Variants in CCDC178 observed in about 807,000 individuals in gnomAD.
The protein encoded by CCDC178 is coiled-coil domain-containing protein 178.
In CCDC178, 126 loss-of-function variants were observed where a neutral mutation model predicts 117.4. That is an observed-to-expected ratio of 1.07 (90% CI 0.93 to 1.24). The LOEUF is 1.24. Ranked by LOEUF, CCDC178 falls within the 50% of genes most tolerant of loss-of-function variation. The pLI, the probability that CCDC178 is intolerant of heterozygous loss-of-function variation, is 0.00. For missense variants in CCDC178, 1,030 were observed against 986.9 expected (o/e 1.04, Z -0.59); for synonymous variants, 283 against 313.4 (o/e 0.90, Z 1.02).
chr18:33,319,262 A>T (rs565024706), intron 11 of CCDC178, among the ~76,000 whole-genome samples: 1 of 151,732 alleles, frequency 6.6e-6, no homozygotes, highest in African/African-American at 2.4e-5. Flanking sequence ...TCGGTGTTCA[A>T]TTCCCACCGA....
intron 22 of CCDC178, among the ~76,000 whole-genome samples, chr18:32,946,596 T>A (rs1378964768): frequency 1.3e-5 from 2 of 152,110 alleles, no homozygotes; most frequent in African/African-American, 4.8e-5. Flanking sequence ...ATCATCTTTA[T>A]ATTTTAGAAC....
At chr18:33,191,337 AC>A (rs1443266914) in intron 20 of CCDC178, among the ~76,000 whole-genome samples, 2 of 152,160 alleles carry the variant, frequency 1.3e-5, no homozygotes, top group Non-Finnish European at 2.9e-5. Context: ...TAAATTGTCA[AC>A]AAATGTTTGT....
intron 20 of CCDC178, among the ~76,000 whole-genome samples, chr18:33,151,960 G>T (rs758417777): frequency 3.9e-5 from 6 of 152,170 alleles, no homozygotes; most frequent in Non-Finnish European, 7.4e-5. Flanking sequence ...AGATTAAAAA[G>T]AAATTACGTA....
chr18:33,229,857 C>T (rs1206189927), intron 15 of CCDC178, among the ~76,000 whole-genome samples: 1 of 152,054 alleles, frequency 6.6e-6, no homozygotes, highest in Non-Finnish European at 1.5e-5. Context: ...GCTAGTGATG[C>T]CATAGTTGGT....
chr18:33,158,603 C>A (rs1295020723), intron 20 of CCDC178, among the ~76,000 whole-genome samples: 2 of 151,988 alleles, frequency 1.3e-5, no homozygotes, highest in African/African-American at 4.8e-5. Flanking sequence ...AATATCATTA[C>A]TATAAACATT....
chr18:33,356,475 C>CT, intron 6 of CCDC178, 129 bp from the exon 7 acceptor site: 1 of 991,772 alleles, frequency 1.0e-6, no homozygotes, highest in Non-Finnish European at 1.4e-6. Context: ...TGTACTTATA[C>CT]TCTCGGTTGT....
At position 33,414,420 on chromosome 18, in the gene CCDC178, G is replaced by C. The variant is rs1424963899; in HGVS notation, c.-22-2310C>G. Among the ~76,000 whole-genome samples, 3 of 152,156 alleles carry C rather than the reference G, an allele frequency of 2.0e-5. No homozygotes were observed. The East Asian group carries it at 5.8e-4, about 29-fold the overall frequency. ...ACACATCTACAACCATCTAATCTTT[G>C]ACAAACCTGACAAAAACAAGAAATG... is the stretch of plus-strand genomic sequence containing the variant. On this transcript the variant is annotated intron_variant, in intron 2 of 22. Transcript: ENST00000383096.
intron 20 of CCDC178, among the ~76,000 whole-genome samples, chr18:33,207,309 A>G (rs1317761824): frequency 6.6e-6 from 1 of 152,192 alleles, no homozygotes; most frequent in Admixed American, 6.5e-5. Context: ...GATATTCTAA[A>G]TTAAATGTTT....
chr18:33,214,367 T>C (rs2059141493), intron 19 of CCDC178, among the ~76,000 whole-genome samples: 1 of 152,016 alleles, frequency 6.6e-6, no homozygotes, highest in South Asian at 2.1e-4. Context: ...TTTTCTCCTT[T>C]TCTTGTTGGA....
chr18:33,009,219 C>T (rs955790049), intron 21 of CCDC178, among the ~76,000 whole-genome samples: 5 of 152,128 alleles, frequency 3.3e-5, no homozygotes, highest in Admixed American at 2.6e-4. Flanking sequence ...AGCCTCCCTT[C>T]CTCTGTCTTT....
intron 20 of CCDC178, among the ~76,000 whole-genome samples, chr18:33,179,943 G>T (rs2058716046): frequency 6.6e-6 from 1 of 151,682 alleles, no homozygotes; most frequent in Non-Finnish European, 1.5e-5. Context: ...AGTTTTTCAG[G>T]ATATAAATGA....
At chr18:33,281,822 T>C (rs1181174699) in intron 12 of CCDC178, among the ~76,000 whole-genome samples, 1 of 152,246 alleles carries the variant, frequency 6.6e-6, no homozygotes, top group African/African-American at 2.4e-5. Flanking sequence ...TTGCTTAAAA[T>C]GAACAGTTAC....
intron 9 of CCDC178, among the ~76,000 whole-genome samples, chr18:33,340,145 C>A (rs946416128): frequency 2.8e-4 from 42 of 152,062 alleles, no homozygotes; most frequent in African/African-American, 9.4e-4. Flanking sequence ...TGGTCTCAGA[C>A]AGAGATAAGA....
At chr18:33,407,045 G>C (rs2063791061) in intron 3 of CCDC178, among the ~76,000 whole-genome samples, 2 of 152,084 alleles carry the variant, frequency 1.3e-5, no homozygotes, top group African/African-American at 4.8e-5. Flanking sequence ...ATGACTAGAG[G>C]GCAGTCTTCT....
intron 3 of CCDC178, among the ~76,000 whole-genome samples, chr18:33,409,559 A>C (rs989138410): frequency 2.6e-5 from 4 of 152,242 alleles, no homozygotes; most frequent in Non-Finnish European, 5.9e-5. Flanking sequence ...TTGTGATAGA[A>C]TTAATGACAA....
At chr18:32,980,226 A>C (rs2055120265) in intron 21 of CCDC178, among the ~76,000 whole-genome samples, 2 of 152,194 alleles carry the variant, frequency 1.3e-5, no homozygotes, top group Admixed American at 6.5e-5. Context: ...CAGAGTAACC[A>C]TATAAGCTGC....
intron 20 of CCDC178, among the ~76,000 whole-genome samples, chr18:33,181,572 C>G (rs986587501): frequency 6.6e-6 from 1 of 151,792 alleles, no homozygotes; most frequent in African/African-American, 2.4e-5. Flanking sequence ...TAAAGTTGAG[C>G]GTTGAATTTA....
intron 3 of CCDC178, among the ~76,000 whole-genome samples, chr18:33,405,079 C>A (rs886940072): frequency 6.6e-6 from 1 of 151,834 alleles, no homozygotes; most frequent in Non-Finnish European, 1.5e-5. Context: ...AAATTGTAAA[C>A]TTTAGAAAGG....
At chr18:33,300,955 G>A (rs548779607) in intron 11 of CCDC178, among the ~76,000 whole-genome samples, 3 of 152,314 alleles carry the variant, frequency 2.0e-5, no homozygotes, top group African/African-American at 7.2e-5. Context: ...AGAGCAAAGT[G>A]CTAATATCCA....
Sources: gnomAD v4.1 joint callset for allele counts (sites outside exome capture counted in the v4.1 genomes callset) on GRCh38, gnomAD v4.1.1 for gene constraint, MANE v1.5 for transcripts, NCBI Gene and HGNC (gene_info 2026-07-23, HGNC 2026-07-21) for gene names.